NGEF: variants seen among roughly 807,000 people sequenced by gnomAD.
The protein encoded by NGEF is neuronal guanine nucleotide exchange factor, also known as ephexin-1.
Under a neutral mutation model 80.9 loss-of-function variants are expected in NGEF, and 31 were observed. The observed-to-expected ratio is 0.38, with a 90% CI of 0.29 to 0.52. The LOEUF is 0.52. Among genes scored for constraint, NGEF ranks in the 20% least tolerant of loss-of-function variants. The pLI is 0.84. For missense variants in NGEF, 709 were observed against 926.2 expected, an observed-to-expected ratio of 0.77 and a Z score of 3.04; for synonymous variants, 371 against 370.2, an observed-to-expected ratio of 1.00 and a Z score of -0.03.
chr2:232,883,436 C>G lies in NGEF; in HGVS notation c.1632G>C (p.Pro544=). ...GCTCCTCCACACGCAGCAGTCCCCG[C>G]GGAGCTGAGTCAAATACCTGGTACT... ...GDKYQVFDSA[P]RGLLRVEELE... is the part of the protein sequence containing the mutation. The change falls in exon 12 of 15, where the codon CCG becomes CCC. Residue 544 remains proline, a synonymous_variant. Transcript: ENST00000264051. 6.2e-7 allele frequency: 1 copy of G among 1,607,488 alleles called. No individual in the cohort carries two copies. The highest frequency in any genetic ancestry group is 1.3e-5 in the African/African-American group (1 of 74,898).
At chr2:232,907,179 G>GAAAAAAAAA (rs1455116424) in intron 5 of NGEF, among the ~76,000 whole-genome samples, 1 of 25,508 alleles carries the variant, frequency 3.9e-5, no homozygotes, top group Non-Finnish European at 8.2e-5. Flanking sequence ...AAAAAGAAAA[G>GAAAAAAAAA]AAAAAAAAGA....
intron 3 of NGEF, among the ~76,000 whole-genome samples, chr2:232,957,453 G>A (rs566587845): frequency 2.6e-4 from 40 of 152,084 alleles, no homozygotes; most frequent in Non-Finnish European, 4.9e-4. Flanking sequence ...CTCCCAAGTA[G>A]CTGGGATTAC....
intron 1 of NGEF, among the ~76,000 whole-genome samples, chr2:232,986,690 T>G (rs917158701): frequency 6.6e-6 from 1 of 152,218 alleles, no homozygotes; most frequent in Non-Finnish European, 1.5e-5. Flanking sequence ...AAGCAATGTT[T>G]GCCAAGGGCT....
At position 232,969,303 on chromosome 2, in the gene NGEF, T is replaced by A. The variant is rs565966564; in HGVS notation, c.383+911A>T. Among the ~76,000 whole-genome samples, 192 of 152,004 alleles carry A rather than the reference T, an allele frequency of 1.3e-3. 1 individual carries two copies. Among genetic ancestry groups the A allele is most frequent in the Non-Finnish European group, 2.2e-3 (152 of 67,946 alleles). ...ACAGTGATTTTTTTTTTTAATGGGG[T>A]CTTGCTATGTTATCCAGGCTGGCCT... On this transcript the variant is annotated intron_variant, in intron 3 of 14. Coordinates refer to ENST00000264051, the MANE Select transcript of NGEF (RefSeq NM_019850.3).
In NGEF at chr2:232,889,111, G is replaced by A. The variant is rs1012276927; in HGVS notation, c.1273-1004C>T. On this transcript the variant is annotated intron_variant, in intron 8 of 14. Coordinates refer to ENST00000264051, the MANE Select transcript of NGEF (RefSeq NM_019850.3). Reference sequence around the variant, plus strand: ...GCCTCTGCCTGGCAGCCAAGCCAGAGACCTTCGAGACCCACAGCCACCTTC... The same window carrying A: ...GCCTCTGCCTGGCAGCCAAGCCAGAAACCTTCGAGACCCACAGCCACCTTC... Among the ~76,000 whole-genome samples the A allele has an allele frequency of 3.1e-4, 47 of 152,166 alleles. 1 individual carries two copies. Among genetic ancestry groups the A allele is most frequent in the Non-Finnish European group, 2.4e-4 (16 of 68,030 alleles).
intron 1 of NGEF, among the ~76,000 whole-genome samples, chr2:232,984,859 G>A (rs963702788): frequency 6.6e-6 from 1 of 152,190 alleles, no homozygotes; most frequent in Non-Finnish European, 1.5e-5. Context: ...CAAAGGGCTC[G>A]GAGCGTAAGA....
intron 3 of NGEF, among the ~76,000 whole-genome samples, chr2:232,958,068 C>T (rs191999166): frequency 2.2e-4 from 33 of 152,286 alleles, no homozygotes; most frequent in South Asian, 2.1e-4. Context: ...GAGATCCTTC[C>T]GATGCTCTAG....
intron 10 of NGEF, among the ~76,000 whole-genome samples, chr2:232,884,577 T>C (rs1201502172): frequency 3.3e-5 from 5 of 152,162 alleles, no homozygotes; most frequent in Non-Finnish European, 5.9e-5. Context: ...GGATGCAGAA[T>C]CAGAGAAGGG....
intron 10 of NGEF, 65 bp downstream of exon 10, chr2:232,885,215 T>A: frequency 2.1e-6 from 3 of 1,445,190 alleles, no homozygotes; most frequent in Non-Finnish European, 2.9e-6. Context: ...CGGTGATCTG[T>A]GCCTCTGGGG....
At chr2:232,928,257 G>A (rs1291886778) in intron 3 of NGEF, 2 of 757,246 alleles carry the variant, frequency 2.6e-6, no homozygotes, top group Non-Finnish European at 3.2e-6. Flanking sequence ...GGCGGGGCGG[G>A]GGCGCCCGGG....
chr2:233,002,774 C>T (rs557494881), intron 1 of NGEF, among the ~76,000 whole-genome samples: 19 of 152,322 alleles, frequency 1.2e-4, no homozygotes, highest in East Asian at 9.6e-4. Context: ...TGTTTCTGTT[C>T]GGAGCTAAGC....
chr2:233,001,545 G>A (rs1221573389), intron 1 of NGEF, among the ~76,000 whole-genome samples: 2 of 152,166 alleles, frequency 1.3e-5, no homozygotes, highest in Non-Finnish European at 2.9e-5. Context: ...AGTGGGAATA[G>A]CCAGCGAGAA....
At chr2:232,919,986 C>T (rs537169815) in intron 5 of NGEF, among the ~76,000 whole-genome samples, 19 of 152,292 alleles carry the variant, frequency 1.2e-4, no homozygotes, top group African/African-American at 3.6e-4. Flanking sequence ...TCACGCGTGA[C>T]GGAAATACAC....
At chr2:232,946,017 T>G (rs1345637536) in intron 3 of NGEF, among the ~76,000 whole-genome samples, 3 of 149,690 alleles carry the variant, frequency 2.0e-5, no homozygotes, top group African/African-American at 2.4e-5. Flanking sequence ...ATATATATAT[T>G]CTATATATAT....
intron 3 of NGEF, among the ~76,000 whole-genome samples, chr2:232,948,147 ATGTGTGTGTGTG>A (rs375640068): frequency 1.4e-5 from 2 of 141,570 alleles, no homozygotes; most frequent in African/African-American, 2.6e-5. Flanking sequence ...TAGCCTGGAG[ATGTGTGTGTGTG>A]TGTGTGTGTG....
chr2:233,003,168 C>T (rs146547134), intron 1 of NGEF, among the ~76,000 whole-genome samples: 5 of 152,268 alleles, frequency 3.3e-5, no homozygotes, highest in East Asian at 1.9e-4. Flanking sequence ...CGGGAGGTGG[C>T]GGAGCATTCC....
Position 232,950,436 on chromosome 2 carries a change from AG to A in NGEF, c.383+19777del, listed in dbSNP as rs1220181667. On this transcript the variant is annotated intron_variant, in intron 3 of 14. Coordinates refer to ENST00000264051, the MANE Select transcript of NGEF (RefSeq NM_019850.3). ...TAGGCTGATAGGTGCTGAGTGTGGC[AG>A]TGGGACCCCCCACCCCCAAATCCCA... is the stretch of plus-strand genomic sequence containing the variant. 4.6e-5 allele frequency among the ~76,000 whole-genome samples: 7 copies of A among 152,178 alleles called. No homozygotes were observed. In the East Asian group the frequency reaches 1.2e-3, roughly 25 times the overall value.
At chr2:232,940,264 A>G (rs573835727) in intron 3 of NGEF, among the ~76,000 whole-genome samples, 25 of 152,386 alleles carry the variant, frequency 1.6e-4, no homozygotes, top group African/African-American at 5.5e-4. Context: ...GAATATCACC[A>G]TAAAGAAAAA....
intron 1 of NGEF, among the ~76,000 whole-genome samples, chr2:232,997,994 C>T (rs1290305684): frequency 3.3e-5 from 5 of 152,208 alleles, no homozygotes; most frequent in African/African-American, 9.7e-5. Flanking sequence ...GCTTCTGCCA[C>T]CTGCAGCCCC....
Sources: gnomAD v4.1 joint callset for allele counts (sites outside exome capture counted in the v4.1 genomes callset) on GRCh38, gnomAD v4.1.1 for gene constraint, MANE v1.5 for transcripts, NCBI Gene and HGNC (gene_info 2026-07-23, HGNC 2026-07-21) for gene names.